ABCA13: variants seen among roughly 807,000 people sequenced by gnomAD.
ABCA13 encodes ATP binding cassette subfamily A member 13, also known as ATP-binding cassette sub-family A member 13.
A neutral mutation model predicts 478.7 loss-of-function variants in ABCA13; 476 were observed. The ratio of observed to expected loss-of-function variants is 0.99; its 90% CI spans 0.92 to 1.07. The LOEUF (loss-of-function observed/expected upper bound fraction) is 1.07, where lower values mean the gene tolerates loss of function less well. Among genes scored for constraint, ABCA13 ranks in the 50% least tolerant of loss-of-function variants. The probability of loss-of-function intolerance (pLI) is 0.00; values close to 1 mark genes in which losing one functional copy is unlikely to be tolerated. For synonymous variants in ABCA13, 2,252 were observed against 2,158.9 expected (o/e 1.04, Z -1.20); for missense variants, 6,060 against 5,910.6 (o/e 1.03, Z -0.83).
chr7:48,287,923 G>A, intron 19 of ABCA13, 37 bp from the exon 20 acceptor site: 1 of 1,531,744 alleles, frequency 6.5e-7, no homozygotes, highest in Non-Finnish European at 9.0e-7. Context: ...GGAGAGGACT[G>A]TCTATTAATT....
chr7:48,457,969 G>A (rs1172668625), intron 43 of ABCA13, among the ~76,000 whole-genome samples: 1 of 152,110 alleles, frequency 6.6e-6, no homozygotes, highest in Non-Finnish European at 1.5e-5. Flanking sequence ...AAATTAGTGG[G>A]CGAGAAGAAT....
intron 3 of ABCA13, among the ~76,000 whole-genome samples, chr7:48,213,201 C>A (rs1041899885): frequency 2.0e-5 from 3 of 152,018 alleles, no homozygotes; most frequent in African/African-American, 7.2e-5. Flanking sequence ...TACATTGGGA[C>A]CTTTGTTTAA....
intron 34 of ABCA13, among the ~76,000 whole-genome samples, chr7:48,374,766 TC>T (rs1813195095): frequency 6.6e-6 from 1 of 152,052 alleles, no homozygotes; most frequent in Admixed American, 6.6e-5. Context: ...AGATCAGGGG[TC>T]CCCAACCCCT....
chr7:48,276,775 C>T (rs2128765274), intron 17 of ABCA13, among the ~76,000 whole-genome samples: 1 of 152,142 alleles, frequency 6.6e-6, no homozygotes, highest in Non-Finnish European at 1.5e-5. Flanking sequence ...AAACCCAGCC[C>T]AGGGTAATTA....
At chr7:48,490,123 G>T (rs548739785) in intron 48 of ABCA13, among the ~76,000 whole-genome samples, 18 of 152,068 alleles carry the variant, frequency 1.2e-4, no homozygotes, top group African/African-American at 3.4e-4. Context: ...TTCTACACCA[G>T]TTTTTTAACA....
chr7:48,564,505 A>ATT (rs145103772), intron 55 of ABCA13, among the ~76,000 whole-genome samples: 29 of 151,844 alleles, frequency 1.9e-4, no homozygotes, highest in African/African-American at 7.0e-4. Context: ...TCACATAGGA[A>ATT]TTTGTTTTTA....
chr7:48,442,766 T>C (rs951304257), intron 42 of ABCA13, among the ~76,000 whole-genome samples: 2 of 152,200 alleles, frequency 1.3e-5, no homozygotes, highest in Non-Finnish European at 2.9e-5. Flanking sequence ...TTCTAACGAG[T>C]TCTCAGGAGA....
At position 48,467,048 on chromosome 7, in the gene ABCA13, A is replaced by G. The variant is rs201608595; in HGVS notation, c.12905+3A>G. 2.9e-5 allele frequency: 46 copies of G among 1,613,848 alleles called. 1 individual carries two copies. The African/African-American group carries it at 5.6e-4, about 20-fold the overall frequency. ...TGTGCAGATTTAAACCCACGCCAGTAAGTGTCAGGTGCTCTCTGCAAAAGT... is the reference window on the plus strand; with the variant it reads ...TGTGCAGATTTAAACCCACGCCAGTGAGTGTCAGGTGCTCTCTGCAAAAGT... On this transcript the variant is annotated splice_donor_region_variant and intron_variant, in intron 44 of 61. Coordinates refer to ENST00000435803, the MANE Select transcript of ABCA13 (RefSeq NM_152701.5).
chr7:48,215,441 A>T (rs1461970521), intron 3 of ABCA13, among the ~76,000 whole-genome samples: 1 of 152,218 alleles, frequency 6.6e-6, no homozygotes, highest in East Asian at 1.9e-4. Flanking sequence ...AGATATAATA[A>T]TAATGAAGAT....
chr7:48,595,489 C>G (rs1790186144), intron 58 of ABCA13, among the ~76,000 whole-genome samples: 1 of 152,106 alleles, frequency 6.6e-6, no homozygotes, highest in Admixed American at 6.6e-5. Flanking sequence ...CAAGAGCTGC[C>G]AAAGATCTCA....
In ABCA13 at chr7:48,274,313, A is replaced by C. The variant is rs748354927; in HGVS notation, c.4647A>C (p.Thr1549=). The change falls in exon 17 of 62, where the codon ACA becomes ACC. Residue 1549 remains threonine (T), a synonymous_variant. Transcript: ENST00000435803. The part of the protein sequence containing the change: ...QFQNIWLHLI[T]LGKEFQKLVK... ...AAAATATTTGGCTTCATTTAATAACACTGGGGAAGGAATTTCAGAAGCTTG... is the reference window on the plus strand; with the variant it reads ...AAAATATTTGGCTTCATTTAATAACCCTGGGGAAGGAATTTCAGAAGCTTG... The C allele has an allele frequency of 6.2e-7, 1 of 1,613,514 alleles. No homozygotes were observed. The highest frequency in any genetic ancestry group is 1.1e-5 in the South Asian group (1 of 91,000).
chr7:48,193,109 T>C (rs1797322049), intron 2 of ABCA13, 57 bp downstream of exon 2: 2 of 1,240,130 alleles, frequency 1.6e-6, no homozygotes, highest in Non-Finnish European at 2.2e-6. Flanking sequence ...AAAAAACTCA[T>C]AGCACTCTTT....
intron 5 of ABCA13, among the ~76,000 whole-genome samples, chr7:48,223,620 T>C (rs1456595473): frequency 3.3e-5 from 5 of 151,888 alleles, no homozygotes; most frequent in African/African-American, 9.7e-5. Flanking sequence ...AAGGCTCTGA[T>C]GGAATGATGA....
At chr7:48,446,153 T>C (rs1824268977) in intron 42 of ABCA13, among the ~76,000 whole-genome samples, 1 of 152,138 alleles carries the variant, frequency 6.6e-6, no homozygotes, top group Non-Finnish European at 1.5e-5. Context: ...CTTAGTAAGA[T>C]GGCATATTCT....
Position 48,481,119 on chromosome 7 carries a change from G to T in ABCA13, c.13059G>T (p.Met4353Ile). 1 of 1,596,776 alleles carries T rather than the reference G, an allele frequency of 6.3e-7. No individual in the cohort carries two copies. The highest frequency in any genetic ancestry group is 8.5e-7 in the Non-Finnish European group (1 of 1,171,128). Residue 4353 changes from methionine (M) to isoleucine (I), a missense_variant, in exon 46 of 62, where the codon ATG becomes ATT. Transcript: ENST00000435803. Reference sequence around the variant, plus strand: ...TGTTGAATCTCTCAGGCTTCAATATGGAGGAGTACTTGCTGGCACCATCTG... The same window carrying T: ...TGTTGAATCTCTCAGGCTTCAATATTGAGGAGTACTTGCTGGCACCATCTG... Reference protein sequence around the residue: ...HTLLNLSGFNMEEYLLAPSEK... With the variant: ...HTLLNLSGFNIEEYLLAPSEK...
rs542028151 is a variant in ABCA13 at position 48,329,830 on chromosome 7, C to G, written c.10000-5592C>G. Among the ~76,000 whole-genome samples the G allele has an allele frequency of 7.9e-5, 12 of 152,000 alleles. 1 individual carries two copies. The South Asian group carries it at 2.1e-3, about 26-fold the overall frequency. ...TCATTCATCCACACATCTATTCATT[C>G]ATCCATCTATCCATGCATCCATCCA... On this transcript the variant is annotated intron_variant, in intron 27 of 61. Coordinates refer to ENST00000435803, the MANE Select transcript of ABCA13 (RefSeq NM_152701.5).
intron 51 of ABCA13, among the ~76,000 whole-genome samples, chr7:48,515,190 T>C (rs1832014539): frequency 6.6e-6 from 1 of 152,208 alleles, no homozygotes; most frequent in Non-Finnish European, 1.5e-5. Flanking sequence ...GTTAATCCAA[T>C]TATTCACCAT....
In ABCA13 at chr7:48,617,111, G is replaced by A. The variant is rs562518754; in HGVS notation, c.14837+1734G>A. ...CTATAATAAACAAACACATGATGAT[G>A]CCTGTTTCTATAATATTGAGATAAA... On this transcript the variant is annotated intron_variant, in intron 59 of 61. Coordinates refer to ENST00000435803, the MANE Select transcript of ABCA13 (RefSeq NM_152701.5). 5.3e-5 allele frequency among the ~76,000 whole-genome samples: 8 copies of A among 152,276 alleles called. No homozygotes were observed. The South Asian group carries it at 1.2e-3, about 24-fold the overall frequency.
chr7:48,267,258 A>T (rs1387924522), intron 15 of ABCA13, among the ~76,000 whole-genome samples: 1 of 152,098 alleles, frequency 6.6e-6, no homozygotes, highest in Non-Finnish European at 1.5e-5. Context: ...AGCAGCATTG[A>T]AATCTCTTGA....
Sources: allele counts gnomAD v4.1 joint callset (sites outside exome capture counted in the v4.1 genomes callset), GRCh38; gene constraint gnomAD v4.1.1; transcripts MANE v1.5; gene names NCBI Gene and HGNC (gene_info 2026-07-23, HGNC 2026-07-21).